The following SPTAN1 variants were observed in gnomAD, a reference collection of about 807,000 sequenced individuals.
SPTAN1 encodes the protein spectrin alpha, non-erythrocytic 1.
Under a neutral mutation model 331.3 loss-of-function variants are expected in SPTAN1, and 61 were observed. The observed-to-expected ratio is 0.18, with a 90% CI of 0.15 to 0.23. The LOEUF is 0.23. Ranked by LOEUF, SPTAN1 falls within the 10% of genes least tolerant of loss-of-function variation. The pLI is 1.00. For missense variants in SPTAN1, 2,043 were observed against 3,147.9 expected (o/e 0.65, Z 8.40); for synonymous variants, 1,153 against 1,173.9 (o/e 0.98, Z 0.36).
At chr9:128,611,959 T>G (rs997346504) in intron 38 of SPTAN1, 114 bp downstream of exon 38, 12 of 1,601,830 alleles carry the variant, frequency 7.5e-6, no homozygotes, top group Non-Finnish European at 9.4e-6. Context: ...ATAGAAGACT[T>G]TAGGCTGAAT....
rs1454955867 is a variant in SPTAN1, at chr9:128,633,282, T to A, written c.7382T>A (p.Leu2461His). Residue 2461 changes from leucine to histidine, a missense_variant, in exon 57 of 57, where the codon CTC becomes CAC. Transcript: ENST00000372739. ...KPYVDGKGRE[L>H]PTAFDYVEFT... ...TACGTGGACGGCAAGGGCCGCGAGCTCCCCACCGCGTTCGACTACGTGGAG... is the reference window on the plus strand; with the variant it reads ...TACGTGGACGGCAAGGGCCGCGAGCACCCCACCGCGTTCGACTACGTGGAG... The A allele has an allele frequency of 6.2e-7, 1 of 1,613,954 alleles. No homozygotes were observed. The highest frequency in any genetic ancestry group is 2.2e-5 in the East Asian group (1 of 44,866).
chr9:128,552,821 C>T lies in SPTAN1; in HGVS notation c.-4+125C>T, dbSNP rs1015687471. 2 of 152,172 alleles carry T rather than the reference C, an allele frequency of 1.3e-5. No individual in the cohort carries two copies. The highest frequency in any genetic ancestry group is 1.9e-4 in the East Asian group (1 of 5,180). 9.4% of individuals were successfully genotyped at this position (152,172 alleles called of 1,614,324 possible). ...GCGCGGACAGGTGAGCCGGGCGGGC[C>T]GCGGGGCTGCCTCCATTCGGCTGAG... On this transcript the variant is annotated intron_variant, in intron 1 of 56. Transcript: ENST00000372739. The surrounding 1 kb of genome is among the most constrained non-coding windows in gnomAD (Gnocchi z 4.6).
intron 21 of SPTAN1, among the ~76,000 whole-genome samples, chr9:128,589,663 C>A (rs1200770465): frequency 6.7e-6 from 1 of 149,312 alleles, no homozygotes; most frequent in African/African-American, 2.5e-5. Context: ...ACAAGCTCCA[C>A]CTCCCAGGTT....
intron 25 of SPTAN1, 77 bp from the exon 26 acceptor site, chr9:128,598,885 AG>A: frequency 7.6e-7 from 1 of 1,307,504 alleles, no homozygotes; most frequent in East Asian, 2.3e-5. Flanking sequence ...CTGTGTTTCC[AG>A]GTTTGGCCAT....
intron 3 of SPTAN1, among the ~76,000 whole-genome samples, chr9:128,569,582 A>T (rs1045228664): frequency 6.6e-6 from 1 of 151,072 alleles, no homozygotes; most frequent in Non-Finnish European, 1.5e-5. Flanking sequence ...GTTTCTTATA[A>T]CTGGATGTAC....
intron 1 of SPTAN1, among the ~76,000 whole-genome samples, chr9:128,554,853 A>G (rs900310840): frequency 6.6e-6 from 1 of 152,184 alleles, no homozygotes; most frequent in Non-Finnish European, 1.5e-5. Context: ...TCTTGTACCA[A>G]TTTTGAACAG....
chr9:128,560,363 T>G (rs1260631431), intron 1 of SPTAN1, among the ~76,000 whole-genome samples: 1 of 149,108 alleles, frequency 6.7e-6, no homozygotes, highest in Non-Finnish European at 1.5e-5. Flanking sequence ...GGATTACAGG[T>G]GTAAGCCACC....
In SPTAN1 at chr9:128,581,009, C is replaced by T; in HGVS notation, c.1411C>T (p.Leu471Phe). 1.2e-6 allele frequency: 2 copies of T among 1,614,106 alleles called. No individual in the cohort carries two copies. Among genetic ancestry groups the T allele is most frequent in the Non-Finnish European group, 1.7e-6 (2 of 1,180,042 alleles). The stretch of plus-strand genomic sequence containing the variant: ...GTACGAGCAGTGCATGGACCTGCAG[C>T]TCTTCTACCGGGACACTGAGCAGGT... The part of the protein sequence containing the change: ...QQYEQCMDLQ[L>F]FYRDTEQVDN... Residue 471 changes from leucine to phenylalanine, a missense_variant, in exon 11 of 57, where the codon CTC becomes TTC. Coordinates refer to ENST00000372739, the MANE Select transcript of SPTAN1 (RefSeq NM_001130438.3).
intron 37 of SPTAN1, among the ~76,000 whole-genome samples, 158 bp downstream of exon 37, chr9:128,609,823 C>A (rs1473558638): frequency 6.6e-6 from 1 of 152,176 alleles, no homozygotes; most frequent in Non-Finnish European, 1.5e-5. Context: ...ATTCAAGTGT[C>A]CCTGTGGGAT....
chr9:128,618,218 T>A, intron 43 of SPTAN1, 110 bp downstream of exon 43: 1 of 1,507,054 alleles, frequency 6.6e-7, no homozygotes, highest in Non-Finnish European at 9.1e-7. Flanking sequence ...CCTGGACCTT[T>A]GGCCTCACAT....
chr9:128,626,727 A>G (rs776118703), intron 49 of SPTAN1, 40 bp downstream of exon 49: 320 of 1,567,118 alleles, frequency 2.0e-4, no homozygotes, highest in Non-Finnish European at 2.6e-4. Context: ...TCGGCCTCCC[A>G]GAGCCCTCTC....
intron 1 of SPTAN1, among the ~76,000 whole-genome samples, chr9:128,553,724 A>G (rs2132607168): frequency 6.6e-6 from 1 of 152,334 alleles, no homozygotes; most frequent in Non-Finnish European, 1.5e-5. Context: ...GATCTCTTTT[A>G]TATAATAGAT....
rs139321348 is a variant in SPTAN1 at position 128,630,526 on chromosome 9, A to C, written c.6762+151A>C. 9.2e-3 allele frequency: 6,354 copies of C among 690,342 alleles called. 40 individuals carry two copies. The highest frequency in any genetic ancestry group is 0.013 in the Non-Finnish European group (5,102 of 391,678). 42.8% of individuals were successfully genotyped at this position (690,342 alleles called of 1,614,324 possible). ...CTAAAGCAGTCTAGGGCTCTTCACT[A>C]TCTCTCTCTCTTTTCTTTCTTTCTT... On this transcript the variant is annotated intron_variant, in intron 52 of 56. Coordinates refer to ENST00000372739, the MANE Select transcript of SPTAN1 (RefSeq NM_001130438.3).
chr9:128,568,678 A>T, intron 2 of SPTAN1, 94 bp from the exon 3 acceptor site: 1 of 1,548,296 alleles, frequency 6.5e-7, no homozygotes, highest in Non-Finnish European at 8.8e-7. Context: ...TAGAGGGAGC[A>T]GGATTGAGGA....
chr9:128,565,455 T>C (rs13300824), intron 1 of SPTAN1, among the ~76,000 whole-genome samples: 1,863 of 152,342 alleles, frequency 0.012, 14 homozygotes, highest in Admixed American at 0.018. Context: ...AATGGTGATA[T>C]GACTAAAATC....
intron 39 of SPTAN1, 31 bp from the exon 40 acceptor site, chr9:128,613,350 T>C: frequency 1.3e-6 from 2 of 1,582,906 alleles, no homozygotes; most frequent in Non-Finnish European, 1.7e-6. Context: ...CACCACACAG[T>C]AGCCTTTGCT....
intron 46 of SPTAN1, 185 bp from the exon 47 acceptor site, chr9:128,624,918 A>T: frequency 1.5e-6 from 1 of 670,502 alleles, no homozygotes; most frequent in Middle Eastern, 3.9e-4. Flanking sequence ...GGAGCTCGTC[A>T]TGGCACAGAT....
At chr9:128,560,382 C>CTTTTTT (rs1366002329) in intron 1 of SPTAN1, among the ~76,000 whole-genome samples, 1 of 128,474 alleles carries the variant, frequency 7.8e-6, no homozygotes, top group Non-Finnish European at 1.7e-5. Context: ...CCGTGCCCGC[C>CTTTTTT]TTTTTTTTTT....
In SPTAN1 at chr9:128,633,631, T is replaced by TA; in HGVS notation, c.*301dup. 7.5e-7 allele frequency: 1 copy of TA among 1,331,260 alleles called. No individual in the cohort carries two copies. The highest frequency in any genetic ancestry group is 2.1e-5 in the Admixed American group (1 of 48,504). The allele number at this position is 1,331,260 out of a possible 1,614,324, so 82.5% of individuals were successfully genotyped here. A position where few individuals can be genotyped will look rare whatever the true frequency, so the allele number is the denominator to read the frequency against. On this transcript the variant is annotated 3_prime_UTR_variant, in exon 57 of 57. Transcript: ENST00000372739. Reference sequence around the variant, plus strand: ...ACCCTCCCCCAAATCTGTTTTCATGTAAAAGACAAATAAATGATGACTTCC... The same window carrying TA: ...ACCCTCCCCCAAATCTGTTTTCATGTAAAAAGACAAATAAATGATGACTTCC...
Sources: gnomAD v4.1 joint callset for allele counts (sites outside exome capture counted in the v4.1 genomes callset) on GRCh38, gnomAD v4.1.1 for gene constraint, Gnocchi (gnomAD v3.1) non-coding constraint, MANE v1.5 for transcripts, NCBI Gene and HGNC (gene_info 2026-07-23, HGNC 2026-07-21) for gene names.